Variants in IQSEC1 observed in about 807,000 individuals in gnomAD.
IQSEC1 encodes the protein IQ motif and SEC7 domain-containing protein 1.
A neutral mutation model predicts 91.0 loss-of-function variants in IQSEC1; 31 were observed. That is an observed-to-expected ratio of 0.34 (90% CI 0.26 to 0.46). IQSEC1 has a LOEUF of 0.46. Among genes scored for constraint, IQSEC1 ranks in the 20% least tolerant of loss-of-function variants. The pLI is 1.00. For synonymous variants in IQSEC1, 699 were observed against 662.6 expected (o/e 1.05, Z -0.84); for missense variants, 1,388 against 1,575.6 (o/e 0.88, Z 2.02).
chr3:13,251,936 G>C (rs13326926), intron 1 of IQSEC1, among the ~76,000 whole-genome samples: 59,854 of 152,034 alleles, frequency 0.39, 14,845 homozygotes, highest in African/African-American at 0.71. Context: ...TCATGTAGCT[G>C]AAAGCTTAAT....
At chr3:13,190,214 T>C (rs1693998504) in intron 1 of IQSEC1, among the ~76,000 whole-genome samples, 1 of 152,130 alleles carries the variant, frequency 6.6e-6, no homozygotes, top group Non-Finnish European at 1.5e-5. Context: ...CCCAAGGCAC[T>C]GAGGGGAAAA....
chr3:13,096,075 G>C (rs540346943), intron 2 of IQSEC1, among the ~76,000 whole-genome samples: 2 of 152,186 alleles, frequency 1.3e-5, no homozygotes, highest in African/African-American at 4.8e-5. Context: ...GGGCTGCTAT[G>C]AGGCAGAGAA....
chr3:13,266,931 C>T lies in IQSEC1; in HGVS notation c.272+15780G>A, dbSNP rs148503677. ...GCAGGAACGCCCTGGGCCCCCGCTGCACCCCTGACCCCTGGCTGCACCCCT... is the reference window on the plus strand; with the variant it reads ...GCAGGAACGCCCTGGGCCCCCGCTGTACCCCTGACCCCTGGCTGCACCCCT... On this transcript the variant is annotated intron_variant, in intron 1 of 15. Transcript: ENST00000648114. 1.9e-3 allele frequency among the ~76,000 whole-genome samples: 286 copies of T among 152,156 alleles called. 1 individual carries two copies. Among genetic ancestry groups the T allele is most frequent in the African/African-American group, 6.7e-3 (277 of 41,496 alleles).
intron 1 of IQSEC1, among the ~76,000 whole-genome samples, chr3:13,204,211 C>T (rs769627426): frequency 3.3e-5 from 5 of 152,250 alleles, no homozygotes; most frequent in Admixed American, 1.3e-4. Flanking sequence ...GCCTCACACC[C>T]GCCCGCCGCC....
At chr3:13,013,456 C>A (rs1015236836) in intron 1 of IQSEC1, among the ~76,000 whole-genome samples, 2 of 152,252 alleles carry the variant, frequency 1.3e-5, no homozygotes, top group African/African-American at 4.8e-5. Flanking sequence ...ACAGCTCACA[C>A]TGGCCTAGCC....
chr3:13,019,690 G>T (rs903496300), intron 1 of IQSEC1, among the ~76,000 whole-genome samples: 2 of 152,182 alleles, frequency 1.3e-5, no homozygotes, highest in African/African-American at 4.8e-5. Context: ...CCACAGGGGC[G>T]CCTGGCAGTT....
intron 1 of IQSEC1, among the ~76,000 whole-genome samples, chr3:13,049,323 G>A (rs570720933): frequency 6.6e-6 from 1 of 152,284 alleles, no homozygotes; most frequent in East Asian, 1.9e-4. Context: ...CTGTTCCCAG[G>A]CCCAGGGCTG....
chr3:13,230,582 T>C (rs1694825025), intron 1 of IQSEC1, among the ~76,000 whole-genome samples: 1 of 152,230 alleles, frequency 6.6e-6, no homozygotes, highest in Non-Finnish European at 1.5e-5. Context: ...TTGGTAGCCA[T>C]TGCTTTGATT....
chr3:13,213,370 A>G (rs1417274156), intron 1 of IQSEC1, among the ~76,000 whole-genome samples: 2 of 152,182 alleles, frequency 1.3e-5, no homozygotes, highest in Non-Finnish European at 2.9e-5. Context: ...TATTCCATCC[A>G]TCTAGATGTC....
chr3:12,987,048 G>T, intron 1 of IQSEC1: 1 of 430,578 alleles, frequency 2.3e-6, no homozygotes, highest in South Asian at 1.6e-5. Context: ...CTCCTCTGCT[G>T]CCCACACAGA....
At chr3:13,223,211 G>A (rs1430625535) in intron 1 of IQSEC1, among the ~76,000 whole-genome samples, 6 of 152,174 alleles carry the variant, frequency 3.9e-5, no homozygotes, top group East Asian at 1.9e-4. Context: ...AAAAGTCAAC[G>A]CTTCCTGCAT....
In IQSEC1 at chr3:12,997,962, G is replaced by C. The variant is rs74620911; in HGVS notation, c.24-56097C>G. Among the ~76,000 whole-genome samples the C allele has an allele frequency of 1.1e-3, 170 of 152,310 alleles. 1 individual carries two copies. Among genetic ancestry groups the C allele is most frequent in the African/African-American group, 3.7e-3 (152 of 41,564 alleles). On this transcript the variant is annotated intron_variant, in intron 1 of 13. Coordinates refer to ENST00000613206, the MANE Select transcript of IQSEC1 (RefSeq NM_001134382.3). ...GAATAAAAATTATTGAAGTATTCTT[G>C]TTCCTTAAAGTCCACCAGTGAGGGA...
At chr3:13,199,639 C>T (rs958021407) in intron 1 of IQSEC1, among the ~76,000 whole-genome samples, 2 of 152,250 alleles carry the variant, frequency 1.3e-5, no homozygotes, top group South Asian at 4.1e-4. Flanking sequence ...TCCTGTGCAG[C>T]GACTGGCCCC....
At chr3:13,072,906 C>T (rs756659563) in intron 1 of IQSEC1, 86 bp downstream of exon 1, 1 of 1,244,592 alleles carries the variant, frequency 8.0e-7, no homozygotes, top group East Asian at 2.5e-5. Flanking sequence ...TGCCCCTCCC[C>T]CAACGATGCC....
At chr3:13,244,509 T>G (rs185769751) in intron 1 of IQSEC1, among the ~76,000 whole-genome samples, 1 of 152,224 alleles carries the variant, frequency 6.6e-6, no homozygotes, top group African/African-American at 2.4e-5. Flanking sequence ...AATAAATGTC[T>G]GCTGAGTGGA....
chr3:13,177,340 C>T (rs80087115), intron 1 of IQSEC1, among the ~76,000 whole-genome samples: 1 of 152,218 alleles, frequency 6.6e-6, no homozygotes, highest in Non-Finnish European at 1.5e-5. Context: ...GCCCTGCCAC[C>T]CCCACCCCAT....
intron 2 of IQSEC1, among the ~76,000 whole-genome samples, chr3:13,120,358 G>C (rs749260782): frequency 6.6e-6 from 1 of 152,144 alleles, no homozygotes; most frequent in Non-Finnish European, 1.5e-5. Context: ...TTCAAAGCCT[G>C]AGCTCTTCAC....
chr3:13,158,780 G>A (rs6800278), intron 2 of IQSEC1, among the ~76,000 whole-genome samples: 102,962 of 151,840 alleles, frequency 0.68, 35,844 homozygotes, highest in Admixed American at 0.75. Context: ...TGGGCATCAT[G>A]ACAAAACCCT....
chr3:13,111,576 T>C (rs1464798001), intron 2 of IQSEC1, among the ~76,000 whole-genome samples: 1 of 152,180 alleles, frequency 6.6e-6, no homozygotes, highest in East Asian at 1.9e-4. Flanking sequence ...AATGTTTGTG[T>C]TCCTTTAGAA....
Sources: allele counts gnomAD v4.1 joint callset (sites outside exome capture counted in the v4.1 genomes callset), GRCh38; gene constraint gnomAD v4.1.1; transcripts MANE v1.5; gene names NCBI Gene and HGNC (gene_info 2026-07-23, HGNC 2026-07-21).